The following WWOX variants were observed in gnomAD, a reference collection of about 807,000 sequenced individuals.
The protein encoded by WWOX is WW domain containing oxidoreductase, also known as WW domain-containing oxidoreductase.
WWOX carries 69 observed loss-of-function variants against 46.2 expected under a neutral mutation model. The ratio of observed to expected loss-of-function variants is 1.49; its 90% CI spans 1.23 to 1.82. WWOX has a LOEUF of 1.82. Ranked by LOEUF, WWOX falls within the 40% of genes most tolerant of loss-of-function variation. The pLI, the probability that WWOX is intolerant of heterozygous loss-of-function variation, is 0.00. For synonymous variants in WWOX, 359 were observed against 202.6 expected (o/e 1.77, Z -6.56); for missense variants, 919 against 542.6 (o/e 1.69, Z -6.89).
rs367853661 is a variant in WWOX, at chr16:78,686,834, C to T, written c.1056+254082C>T. 1.6e-4 allele frequency among the ~76,000 whole-genome samples: 25 copies of T among 152,294 alleles called. No individual in the cohort carries two copies. In the East Asian group the frequency reaches 2.5e-3, roughly 15 times the overall value. On this transcript the variant is annotated intron_variant, in intron 8 of 8. Coordinates refer to ENST00000566780, the MANE Select transcript of WWOX (RefSeq NM_016373.4). ...TTTTCTCTGGCCAGGAGACAGGCTT[C>T]GTTTTCGAAACTCACCCAGGAAGGC...
chr16:79,113,987 T>C (rs2049464193), intron 8 of WWOX, among the ~76,000 whole-genome samples: 1 of 152,204 alleles, frequency 6.6e-6, no homozygotes, highest in Non-Finnish European at 1.5e-5. Context: ...TGTCTGGCGA[T>C]GTGCTCGCAT....
At chr16:79,143,621 A>G (rs2050131527) in intron 8 of WWOX, among the ~76,000 whole-genome samples, 1 of 152,220 alleles carries the variant, frequency 6.6e-6, no homozygotes, top group South Asian at 2.1e-4. Context: ...TAATATTGAC[A>G]ATAAATAGAG....
At chr16:78,816,192 A>G (rs918068562) in intron 8 of WWOX, among the ~76,000 whole-genome samples, 3 of 152,192 alleles carry the variant, frequency 2.0e-5, no homozygotes, top group Non-Finnish European at 2.9e-5. Context: ...AAACCCTCTG[A>G]TAAAGAATTG....
intron 8 of WWOX, among the ~76,000 whole-genome samples, chr16:78,842,395 C>T (rs1291279447): frequency 3.3e-5 from 5 of 151,124 alleles, no homozygotes; most frequent in Admixed American, 1.3e-4. Flanking sequence ...CTGAGCTGCT[C>T]GGGAGGCCAA....
intron 6 of WWOX, among the ~76,000 whole-genome samples, chr16:78,417,289 T>G (rs1379589638): frequency 6.6e-6 from 1 of 152,038 alleles, no homozygotes; most frequent in Non-Finnish European, 1.5e-5. Context: ...GATGAGGTCT[T>G]GCTATGTTGT....
At chr16:78,326,356 T>C (rs1777460453) in intron 5 of WWOX, among the ~76,000 whole-genome samples, 1 of 152,202 alleles carries the variant, frequency 6.6e-6, no homozygotes, top group Admixed American at 6.5e-5. Flanking sequence ...TTTGGCATAT[T>C]CTGTCTTTTT....
At chr16:78,972,917 C>G (rs2046499967) in intron 8 of WWOX, among the ~76,000 whole-genome samples, 1 of 152,184 alleles carries the variant, frequency 6.6e-6, no homozygotes, top group Non-Finnish European at 1.5e-5. Flanking sequence ...GCTGGAGCCT[C>G]CCGACCGAAG....
At chr16:78,245,566 C>A (rs187339679) in intron 5 of WWOX, among the ~76,000 whole-genome samples, 2 of 152,128 alleles carry the variant, frequency 1.3e-5, no homozygotes, top group African/African-American at 4.8e-5. Flanking sequence ...TGTTGAGATA[C>A]GAATGTATTC....
intron 5 of WWOX, among the ~76,000 whole-genome samples, chr16:78,215,773 C>A (rs1254951174): frequency 1.3e-5 from 2 of 151,976 alleles, no homozygotes; most frequent in Non-Finnish European, 2.9e-5. Flanking sequence ...ACTAAAAATA[C>A]AAAACAGCCG....
chr16:78,508,310 CT>C (rs60281450), intron 8 of WWOX, among the ~76,000 whole-genome samples: 1,200 of 111,870 alleles, frequency 0.011, 6 homozygotes, highest in East Asian at 0.028. Flanking sequence ...TGCGCCCGGC[CT>C]TTTTTTTTTT....
At chr16:78,509,024 C>G (rs570485917) in intron 8 of WWOX, among the ~76,000 whole-genome samples, 1 of 152,266 alleles carries the variant, frequency 6.6e-6, no homozygotes. Flanking sequence ...GCTTTGTAGA[C>G]ACGTATGTGT....
intron 1 of WWOX, among the ~76,000 whole-genome samples, chr16:78,104,702 T>C (rs2032031865): frequency 6.6e-6 from 1 of 152,198 alleles, no homozygotes; most frequent in Non-Finnish European, 1.5e-5. Context: ...GGGACATGTG[T>C]TCTAATTTTC....
intron 8 of WWOX, among the ~76,000 whole-genome samples, chr16:79,092,922 A>C (rs1340585151): frequency 1.3e-5 from 2 of 152,212 alleles, no homozygotes; most frequent in Non-Finnish European, 2.9e-5. Flanking sequence ...ATGGATGGAC[A>C]TGTGAGTTTT....
intron 8 of WWOX, among the ~76,000 whole-genome samples, chr16:79,113,420 C>T (rs925172388): frequency 1.3e-5 from 2 of 152,238 alleles, no homozygotes; most frequent in Admixed American, 6.5e-5. Flanking sequence ...GAGGACTGCT[C>T]TCAGGACATT....
At chr16:78,411,893 C>G (rs111879138) in intron 6 of WWOX, among the ~76,000 whole-genome samples, 1 of 152,106 alleles carries the variant, frequency 6.6e-6, no homozygotes, top group Non-Finnish European at 1.5e-5. Context: ...CAGAGGAGAG[C>G]GGAGAGGGAA....
intron 8 of WWOX, among the ~76,000 whole-genome samples, chr16:79,125,021 T>C (rs1049639311): frequency 6.6e-6 from 1 of 151,252 alleles, no homozygotes; most frequent in African/African-American, 2.4e-5. Context: ...TCCATGCCTG[T>C]CTGACTCTGA....
intron 8 of WWOX, among the ~76,000 whole-genome samples, chr16:78,976,546 A>C (rs2046576173): frequency 1.3e-5 from 2 of 152,340 alleles, no homozygotes; most frequent in South Asian, 2.1e-4. Context: ...CTTTGCCATC[A>C]TAGCTTGATC....
At chr16:79,208,631 A>ATCTT in intron 8 of WWOX, among the ~76,000 whole-genome samples, 1 of 151,188 alleles carries the variant, frequency 6.6e-6, no homozygotes, top group African/African-American at 2.4e-5. Context: ...TGCTCTTTAA[A>ATCTT]TTTTTTTTTT....
intron 8 of WWOX, among the ~76,000 whole-genome samples, chr16:78,440,701 C>T (rs572565539): frequency 3.3e-5 from 5 of 151,852 alleles, no homozygotes; most frequent in African/African-American, 1.2e-4. Flanking sequence ...ACTGCAACCT[C>T]CGCGCCTCCC....
Sources: gnomAD v4.1 joint callset for allele counts (sites outside exome capture counted in the v4.1 genomes callset) on GRCh38, gnomAD v4.1.1 for gene constraint, MANE v1.5 for transcripts, NCBI Gene and HGNC (gene_info 2026-07-23, HGNC 2026-07-21) for gene names.